PLEKHG1: variants seen among roughly 807,000 people sequenced by gnomAD.
The protein encoded by PLEKHG1 is pleckstrin homology domain-containing family G member 1.
Under a neutral mutation model 100.8 loss-of-function variants are expected in PLEKHG1, and 44 were observed. The ratio of observed to expected loss-of-function variants is 0.44; its 90% CI spans 0.34 to 0.56. The LOEUF is 0.56. PLEKHG1 is among the 20% of genes least tolerant of loss of function. The probability of loss-of-function intolerance (pLI) is 0.01; values close to 1 mark genes in which losing one functional copy is unlikely to be tolerated. For missense variants in PLEKHG1, 1,545 were observed against 1,720.9 expected, an observed-to-expected ratio of 0.90 and a Z score of 1.81; for synonymous variants, 640 against 662.5, an observed-to-expected ratio of 0.97 and a Z score of 0.52.
At chr6:150,741,992 G>C (rs147919117) in intron 2 of PLEKHG1, among the ~76,000 whole-genome samples, 280 of 152,294 alleles carry the variant, frequency 1.8e-3, no homozygotes, top group African/African-American at 6.4e-3. Context: ...AGTGCCCCCT[G>C]GAGGACAAAA....
Position 150,824,307 on chromosome 6 carries a change from C to G in PLEKHG1, c.1470+631C>G, listed in dbSNP as rs151177560. Among the ~76,000 whole-genome samples the G allele has an allele frequency of 2.5e-3, 383 of 151,510 alleles. 2 individuals are homozygous for G. Among genetic ancestry groups the G allele is most frequent in the African/African-American group, 8.9e-3 (363 of 40,874 alleles). On this transcript the variant is annotated intron_variant, in intron 14 of 15. Transcript: ENST00000358517. ...TTTCTCCTGACCTGAGTGGTTTGTC[C>G]AGTGTGGCTACTGATCAGTTGGCTT...
At chr6:150,834,663 C>T (rs1777133087) in intron 15 of PLEKHG1, among the ~76,000 whole-genome samples, 1 of 152,136 alleles carries the variant, frequency 6.6e-6, no homozygotes, top group Non-Finnish European at 1.5e-5. Flanking sequence ...TTTTGGTTGG[C>T]TCTCCTTTTT....
At chr6:150,760,954 C>T (rs1021316305) in intron 2 of PLEKHG1, among the ~76,000 whole-genome samples, 1 of 152,016 alleles carries the variant, frequency 6.6e-6, no homozygotes, top group Non-Finnish European at 1.5e-5. Context: ...ATATAAGGAA[C>T]TGATTTTAGT....
intron 3 of PLEKHG1, among the ~76,000 whole-genome samples, chr6:150,785,794 G>A (rs992259962): frequency 3.9e-5 from 6 of 152,026 alleles, no homozygotes; most frequent in Non-Finnish European, 7.4e-5. Context: ...GTGAAGCTGA[G>A]CTCCACCTCC....
intron 3 of PLEKHG1, among the ~76,000 whole-genome samples, chr6:150,781,748 G>A (rs1164302438): frequency 1.3e-5 from 2 of 151,502 alleles, no homozygotes; most frequent in African/African-American, 2.4e-5. Flanking sequence ...AATTGGGACT[G>A]TTTTAAAAGA....
chr6:150,669,554 G>C (rs1442190161), intron 3 of PLEKHG1, among the ~76,000 whole-genome samples: 1 of 149,578 alleles, frequency 6.7e-6, no homozygotes, highest in East Asian at 2.0e-4. Flanking sequence ...TGTGTATTTA[G>C]TCCTTTCGGC....
Position 150,798,121 on chromosome 6 carries a change from A to G in PLEKHG1, c.629+2219A>G, listed in dbSNP as rs529739366. Among the ~76,000 whole-genome samples, 13 of 152,274 alleles carry G rather than the reference A, an allele frequency of 8.5e-5. No individual in the cohort carries two copies. The East Asian group carries it at 2.3e-3, about 27-fold the overall frequency. ...ATCTTAATGCTGAAAACATCAGGCG[A>G]TTGCAGGATGCCCCAGCTAAATCCC... On this transcript the variant is annotated intron_variant, in intron 5 of 15. Coordinates refer to ENST00000358517, the Ensembl canonical transcript of PLEKHG1.
intron 15 of PLEKHG1, among the ~76,000 whole-genome samples, chr6:150,839,408 G>A (rs1334211423): frequency 1.3e-5 from 2 of 152,102 alleles, no homozygotes; most frequent in East Asian, 3.9e-4. Context: ...GAGCTATTAC[G>A]CCCAGCCCTG....
chr6:150,736,194 C>T (rs1168018356), intron 2 of PLEKHG1, among the ~76,000 whole-genome samples: 1 of 152,156 alleles, frequency 6.6e-6, no homozygotes, highest in African/African-American at 2.4e-5. Flanking sequence ...TTTAGAGTCT[C>T]GTTTGACCCA....
At chr6:150,756,985 G>A (rs1438830053) in intron 2 of PLEKHG1, among the ~76,000 whole-genome samples, 1 of 150,500 alleles carries the variant, frequency 6.6e-6, no homozygotes, top group East Asian at 1.9e-4. Flanking sequence ...AATTGATCAT[G>A]TGTATGTGGA....
intron 3 of PLEKHG1, among the ~76,000 whole-genome samples, chr6:150,667,064 G>C (rs1185471703): frequency 6.6e-6 from 1 of 152,038 alleles, no homozygotes; most frequent in East Asian, 1.9e-4. Flanking sequence ...AGCCTGATAA[G>C]ATTTTTAAAT....
At chr6:150,643,455 T>G (rs920342067) in intron 2 of PLEKHG1, among the ~76,000 whole-genome samples, 3 of 152,200 alleles carry the variant, frequency 2.0e-5, no homozygotes, top group African/African-American at 7.2e-5. Flanking sequence ...AACTGGAAAC[T>G]GAACTCATCT....
chr6:150,709,321 C>T (rs1215640609), intron 3 of PLEKHG1, among the ~76,000 whole-genome samples: 1 of 152,008 alleles, frequency 6.6e-6, no homozygotes, highest in African/African-American at 2.4e-5. Context: ...GGCGACAGAG[C>T]GAGACTCCAT....
Position 150,800,715 on chromosome 6 carries a change from G to A in PLEKHG1, c.630-4G>A, listed in dbSNP as rs1786643483. ...TTAGATAAAAACATGGACTCTTCCT[G>A]CAGGTCCGTGGCTGTGCTAACAGAG... is the stretch of plus-strand genomic sequence containing the variant. On this transcript the variant is annotated splice_region_variant and splice_polypyrimidine_tract_variant and intron_variant, in intron 5 of 15. Transcript: ENST00000358517. The A allele has an allele frequency of 8.1e-6, 13 of 1,612,752 alleles. No individual in the cohort carries two copies. The highest frequency in any genetic ancestry group is 1.1e-5 in the Non-Finnish European group (13 of 1,179,286).
intron 3 of PLEKHG1, among the ~76,000 whole-genome samples, chr6:150,769,608 GAA>G (rs1490786588): frequency 1.4e-5 from 2 of 140,666 alleles, no homozygotes; most frequent in African/African-American, 5.4e-5. Context: ...AAAAAAGAAA[GAA>G]AAAAGAAAAA....
exon 16 of PLEKHG1, chr6:150,841,816 C>G (rs1255964741): frequency 6.6e-6 from 1 of 152,196 alleles, no homozygotes; most frequent in Non-Finnish European, 1.5e-5. Flanking sequence ...TCAGACAAAG[C>G]ACTTTAAATT....
intron 1 of PLEKHG1, among the ~76,000 whole-genome samples, chr6:150,607,085 T>A (rs1450317377): frequency 6.6e-6 from 1 of 152,154 alleles, no homozygotes; most frequent in Non-Finnish European, 1.5e-5. Context: ...TAAGAATTCT[T>A]CAGAACGGAC....
intron 6 of PLEKHG1, among the ~76,000 whole-genome samples, chr6:150,801,296 A>T (rs1398746577): frequency 6.6e-6 from 1 of 152,226 alleles, no homozygotes; most frequent in East Asian, 1.9e-4. Flanking sequence ...AGATGAGCAG[A>T]GTGATAAGTG....
chr6:150,603,082 AAAAAAAAAAAAT>A (rs1413537570), intron 1 of PLEKHG1, among the ~76,000 whole-genome samples: 8 of 140,962 alleles, frequency 5.7e-5, no homozygotes, highest in Non-Finnish European at 1.3e-4. Context: ...TCCGTCTCAA[AAAAAAAAAAAAT>A]AAAAAAAAAG....
Sources: allele counts gnomAD v4.1 joint callset (sites outside exome capture counted in the v4.1 genomes callset), GRCh38; gene constraint gnomAD v4.1.1; transcripts MANE v1.5; gene names NCBI Gene and HGNC (gene_info 2026-07-23, HGNC 2026-07-21).